Variants in LUZP1 observed in about 807,000 individuals in gnomAD.
LUZP1 encodes leucine zipper protein 1, also known as filamin mechanobinding actin cross-linking protein.
A neutral mutation model predicts 71.3 loss-of-function variants in LUZP1; 25 were observed. The ratio of observed to expected loss-of-function variants is 0.35; its 90% CI spans 0.26 to 0.49. LUZP1 has a LOEUF of 0.49. LUZP1 is among the 20% of genes least tolerant of loss of function. LUZP1 has a pLI of 0.99. For synonymous variants in LUZP1, 481 were observed against 506.4 expected, an observed-to-expected ratio of 0.95 and a Z score of 0.67; for missense variants, 1,142 against 1,300.8, an observed-to-expected ratio of 0.88 and a Z score of 1.88.
At chr1:23,098,616 T>C (rs1643906941) in intron 3 of LUZP1, among the ~76,000 whole-genome samples, 1 of 152,070 alleles carries the variant, frequency 6.6e-6, no homozygotes, top group Non-Finnish European at 1.5e-5. Context: ...GTTGAGAAGT[T>C]AGGGGCAGTG....
chr1:23,160,506 C>T (rs981870338), intron 2 of LUZP1, among the ~76,000 whole-genome samples: 9 of 152,186 alleles, frequency 5.9e-5, no homozygotes, highest in Admixed American at 1.3e-4. Context: ...GGACTGGACT[C>T]CTGTACTTTC....
At chr1:23,117,763 G>C (rs1041342399) in intron 2 of LUZP1, among the ~76,000 whole-genome samples, 6 of 151,958 alleles carry the variant, frequency 3.9e-5, no homozygotes, top group Non-Finnish European at 7.4e-5. Flanking sequence ...AGTCACACTT[G>C]CCAACATGTC....
At position 23,168,210 on chromosome 1, in the gene LUZP1, G is replaced by A. The variant is rs553171657; in HGVS notation, c.-226+556C>T. Among the ~76,000 whole-genome samples, 15 of 135,394 alleles carry A rather than the reference G, an allele frequency of 1.1e-4. No homozygotes were observed. In the South Asian group the frequency reaches 3.6e-3, roughly 33 times the overall value. The allele number at this position is 135,394 out of a possible 152,430, so 88.8% of individuals were successfully genotyped here. The stretch of plus-strand genomic sequence containing the variant: ...CGCAGCTGGCCCCGCACGCCGGCCC[G>A]ACGCGCTCCCAAACCGCCCTCCTCC... On this transcript the variant is annotated intron_variant, in intron 2 of 4. Transcript: ENST00000302291.
chr1:23,091,481 C>G lies in LUZP1; in HGVS notation c.2781G>C (p.Arg927Ser), dbSNP rs1325519352. 2 of 1,614,176 alleles carry G rather than the reference C, an allele frequency of 1.2e-6. No homozygotes were observed. The highest frequency in any genetic ancestry group is 3.3e-5 in the Admixed American group (2 of 60,028). Reference sequence around the variant, plus strand: ...GGTCTTCTAAAGATTTCAAGTCTCGCCTACTCTTCCAGGCATTCCGCACAG... The same window carrying G: ...GGTCTTCTAAAGATTTCAAGTCTCGGCTACTCTTCCAGGCATTCCGCACAG... Residue 927 changes from arginine (R) to serine (S), a missense_variant, in exon 4 of 5, where the codon AGG becomes AGC. Arg to Ser is a moderately radical substitution (Grantham distance 110, BLOSUM62 -1). Coordinates refer to ENST00000302291, the Ensembl canonical transcript of LUZP1.
chr1:23,126,204 C>T (rs1416045024), intron 2 of LUZP1, among the ~76,000 whole-genome samples: 2 of 152,204 alleles, frequency 1.3e-5, no homozygotes, highest in Admixed American at 1.3e-4. Context: ...ACCAGACCCA[C>T]TCCCCTCCCT....
chr1:23,162,794 A>T (rs1356746608), intron 2 of LUZP1: 1 of 152,252 alleles, frequency 6.6e-6, no homozygotes, highest in Non-Finnish European at 1.5e-5. Context: ...CTAATTCATA[A>T]AGCAGTCCAT....
intron 2 of LUZP1, among the ~76,000 whole-genome samples, chr1:23,116,066 T>C (rs1014868666): frequency 1.3e-5 from 2 of 152,080 alleles, no homozygotes; most frequent in African/African-American, 4.8e-5. Flanking sequence ...CTGGGCAACA[T>C]AGCAAGACCC....
intron 2 of LUZP1, among the ~76,000 whole-genome samples, chr1:23,131,966 A>G (rs1644219229): frequency 6.6e-6 from 1 of 152,154 alleles, no homozygotes; most frequent in Admixed American, 6.6e-5. Context: ...GATTACAAGC[A>G]TGAGCCACTG....
At position 23,093,905 on chromosome 1, in the gene LUZP1, T is replaced by C. The variant is rs751647226; in HGVS notation, c.357A>G (p.Glu119=). 1 of 1,614,188 alleles carries C rather than the reference T, an allele frequency of 6.2e-7. No homozygotes were observed. The highest frequency in any genetic ancestry group is 8.5e-7 in the Non-Finnish European group (1 of 1,180,030). Residue 119 remains glutamate (E), a synonymous_variant, in exon 4 of 5, where the codon GAA becomes GAG. Transcript: ENST00000302291. The surrounding 1 kb of genome is among the most constrained non-coding windows in gnomAD (Gnocchi z 4.2). ...TGAAGGCCTCTTCTAGCTTCTCTAA[T>C]TCAGCCATTCGTTTCTGAAGCCGCT... is the stretch of plus-strand genomic sequence containing the variant.
exon 4 of LUZP1, chr1:23,091,216 C>T (rs753375560): frequency 1.1e-5 from 18 of 1,610,636 alleles, no homozygotes; most frequent in East Asian, 2.2e-5. Context: ...TTCCAGGCTG[C>T]GACAGTGATG....
At chr1:23,173,063 C>T (rs1376822927) in intron 1 of LUZP1, among the ~76,000 whole-genome samples, 7 of 151,154 alleles carry the variant, frequency 4.6e-5, no homozygotes, top group South Asian at 2.1e-4. Flanking sequence ...CCTCATGATC[C>T]GCCCACCTCA....
rs1373509100 is a variant in LUZP1 at position 23,093,358 on chromosome 1, T to C, written c.904A>G (p.Ile302Val). 3.1e-6 allele frequency: 5 copies of C among 1,613,540 alleles called. No homozygotes were observed. In the East Asian group the frequency reaches 8.9e-5, roughly 29 times the overall value. Reference sequence around the variant, plus strand: ...TCTTCCAACGATTCAAAGTGTTTGATTTGTGTCTTAAGTTTCTCAATCTCT... The same window carrying C: ...TCTTCCAACGATTCAAAGTGTTTGACTTGTGTCTTAAGTTTCTCAATCTCT... Residue 302 changes from isoleucine to valine, a missense_variant, in exon 4 of 5, where the codon ATC becomes GTC. Coordinates refer to ENST00000302291, the Ensembl canonical transcript of LUZP1. The surrounding 1 kb of genome is among the most constrained non-coding windows in gnomAD (Gnocchi z 4.2).
intron 2 of LUZP1, among the ~76,000 whole-genome samples, chr1:23,139,027 T>A (rs867925522): frequency 0.028 from 2,348 of 84,564 alleles, 71 homozygotes; most frequent in African/African-American, 0.058. Context: ...AAAATATATA[T>A]ATATATATAT....
rs199920391 is a variant in LUZP1, at chr1:23,154,080, GCTACAGA to G, written c.-226+14679_-226+14685del. Among the ~76,000 whole-genome samples the G allele has an allele frequency of 9.2e-5, 14 of 152,234 alleles. No homozygotes were observed. The East Asian group carries it at 2.7e-3, about 29-fold the overall frequency. On this transcript the variant is annotated intron_variant, in intron 2 of 4. Coordinates refer to ENST00000302291, the Ensembl canonical transcript of LUZP1. Reference sequence around the variant, plus strand: ...TAAGTGAAATAAGCCAGACTAAAAGGCTACAGACTACAGACTACCACTTACAGAACAT... The same window carrying G: ...TAAGTGAAATAAGCCAGACTAAAAGGCTACAGACTACCACTTACAGAACAT...
At chr1:23,151,987 G>T (rs566385232) in intron 2 of LUZP1, among the ~76,000 whole-genome samples, 60 of 144,896 alleles carry the variant, frequency 4.1e-4, no homozygotes, top group Non-Finnish European at 7.8e-4. Flanking sequence ...GGGCAAAAAA[G>T]CAAGACTCAG....
chr1:23,173,158 G>A lies in LUZP1; in HGVS notation c.-484-4134C>T, dbSNP rs1274568334. 4.6e-5 allele frequency among the ~76,000 whole-genome samples: 7 copies of A among 151,730 alleles called. No homozygotes were observed. The East Asian group carries it at 5.9e-4, about 13-fold the overall frequency. ...TGTGGTCCTAGTTACTCAGGAGGCT[G>A]AGGAGGGAGGATTGCTTGAGCCCAG... On this transcript the variant is annotated intron_variant, in intron 1 of 4. Transcript: ENST00000302291.
At position 23,091,473 on chromosome 1, in the gene LUZP1, A is replaced by G. The variant is rs374054027; in HGVS notation, c.2789T>C (p.Leu930Ser). Reference sequence around the variant, plus strand: ...AGTTGGGGGGTCTTCTAAAGATTTCAAGTCTCGCCTACTCTTCCAGGCATT... The same window carrying G: ...AGTTGGGGGGTCTTCTAAAGATTTCGAGTCTCGCCTACTCTTCCAGGCATT... The change falls in exon 4 of 5, where the codon TTG (leucine) becomes TCG (serine). Residue 930 changes from leucine (L) to serine (S), a missense_variant. Physicochemically the swap from Leu to Ser is moderately radical, Grantham distance 145 (BLOSUM62 -2). Coordinates refer to ENST00000302291, the Ensembl canonical transcript of LUZP1. The G allele has an allele frequency of 1.2e-6, 2 of 1,614,168 alleles. No homozygotes were observed. The highest frequency in any genetic ancestry group is 1.7e-6 in the Non-Finnish European group (2 of 1,180,018).
chr1:23,088,846 AAG>A (rs1470100621), exon 5 of LUZP1: 2 of 1,594,916 alleles, frequency 1.3e-6, no homozygotes. Context: ...AGGACGGTGG[AAG>A]AGCTGAGAAG....
In LUZP1 at chr1:23,093,105, G is replaced by A. The variant is rs148239864; in HGVS notation, c.1157C>T (p.Ser386Phe). Residue 386 changes from serine (S) to phenylalanine (F), a missense_variant, in exon 4 of 5, where the codon TCC (serine) becomes TTC (phenylalanine). Ser to Phe is a radical substitution (Grantham distance 155, BLOSUM62 -2). Transcript: ENST00000302291. This position sits in a 1 kb window ranked among gnomAD's most constrained non-coding sequence, Gnocchi z 4.2. ...AGACAGTTCCCGCGCTGTGTGCTTG[G>A]ACACAGAAGCTTCACTTCCGTGGCC... 1 of 1,614,046 alleles carries A rather than the reference G, an allele frequency of 6.2e-7. No homozygotes were observed. The highest frequency in any genetic ancestry group is 1.3e-5 in the African/African-American group (1 of 75,036).
Sources: gnomAD v4.1 joint callset for allele counts (sites outside exome capture counted in the v4.1 genomes callset) on GRCh38, gnomAD v4.1.1 for gene constraint, Gnocchi (gnomAD v3.1) non-coding constraint, MANE v1.5 for transcripts, NCBI Gene and HGNC (gene_info 2026-07-23, HGNC 2026-07-21) for gene names.